The following FAM135B variants were observed in gnomAD, a reference collection of about 807,000 sequenced individuals.
FAM135B encodes protein FAM135B.
FAM135B carries 43 observed loss-of-function variants against 127.7 expected under a neutral mutation model. The ratio of observed to expected loss-of-function variants is 0.34; its 90% CI spans 0.26 to 0.43. FAM135B has a LOEUF of 0.43. Ranked by LOEUF, FAM135B falls within the 20% of genes least tolerant of loss-of-function variation. The pLI is 1.00. For missense variants in FAM135B, 1,558 were observed against 1,725.6 expected (o/e 0.90, Z 1.72); for synonymous variants, 670 against 665.1 (o/e 1.01, Z -0.11).
chr8:138,422,823 T>C (rs1834594823), intron 1 of FAM135B, among the ~76,000 whole-genome samples: 1 of 152,220 alleles, frequency 6.6e-6, no homozygotes, highest in Admixed American at 6.5e-5. Context: ...ATATGTTCAC[T>C]GCAGCACTTT....
chr8:138,281,520 C>T (rs1180978497), intron 3 of FAM135B, among the ~76,000 whole-genome samples: 1 of 151,918 alleles, frequency 6.6e-6, no homozygotes, highest in Non-Finnish European at 1.5e-5. Flanking sequence ...TCTAAAAGCT[C>T]GAGGAAATTT....
chr8:138,401,932 AG>A (rs1223722071), intron 1 of FAM135B, among the ~76,000 whole-genome samples: 1 of 152,172 alleles, frequency 6.6e-6, no homozygotes, highest in Non-Finnish European at 1.5e-5. Flanking sequence ...TGCTCTCCAC[AG>A]ATATTTATTC....
rs1356818278 is a variant in FAM135B at position 138,204,556 on chromosome 8, C to T, written c.670-6887G>A. Among the ~76,000 whole-genome samples the T allele has an allele frequency of 5.3e-5, 8 of 152,130 alleles. No individual in the cohort carries two copies. The East Asian group carries it at 5.8e-4, about 11-fold the overall frequency. On this transcript the variant is annotated intron_variant, in intron 7 of 19. Coordinates refer to ENST00000395297, the MANE Select transcript of FAM135B (RefSeq NM_015912.4). ...TCCTCTACAGGGCACTGCAATGGCA[C>T]GACAGTGTAGACTTGATGTATAGAG...
At chr8:138,348,981 T>C (rs115485038) in intron 2 of FAM135B, among the ~76,000 whole-genome samples, 4,795 of 152,320 alleles carry the variant, frequency 0.031, 148 homozygotes, top group East Asian at 0.16. Context: ...CAGGCCCCTC[T>C]GGCACCAGAC....
chr8:138,183,627 G>C (rs1815283950), intron 9 of FAM135B, among the ~76,000 whole-genome samples: 1 of 152,166 alleles, frequency 6.6e-6, no homozygotes, highest in Non-Finnish European at 1.5e-5. Context: ...CCTTCATTGA[G>C]AATTTATTTT....
intron 2 of FAM135B, among the ~76,000 whole-genome samples, chr8:138,315,664 A>G: frequency 1.1e-5 from 1 of 94,094 alleles, no homozygotes; most frequent in East Asian, 2.2e-4. Context: ...ATGGAATGTT[A>G]TTCAGCCTTT....
chr8:138,359,789 G>A (rs753984415), intron 2 of FAM135B, among the ~76,000 whole-genome samples: 4 of 152,172 alleles, frequency 2.6e-5, no homozygotes, highest in Admixed American at 6.5e-5. Context: ...GCTGGATGTC[G>A]CTGGGCATTA....
intron 1 of FAM135B, among the ~76,000 whole-genome samples, chr8:138,378,385 ATCTC>A (rs1342908923): frequency 6.6e-6 from 1 of 152,254 alleles, no homozygotes; most frequent in African/African-American, 2.4e-5. Flanking sequence ...CAAGAATTTA[ATCTC>A]TCTGTGCCTC....
chr8:138,177,429 T>C lies in FAM135B; in HGVS notation c.1030-9A>G, dbSNP rs759746332. The C allele has an allele frequency of 2.5e-6, 4 of 1,610,902 alleles. No homozygotes were observed. Among genetic ancestry groups the C allele is most frequent in the Non-Finnish European group, 3.4e-6 (4 of 1,178,124 alleles). On this transcript the variant is annotated splice_polypyrimidine_tract_variant and intron_variant, in intron 10 of 19. Transcript: ENST00000395297. ...TCAGAAAACCTTCGGACCTGCAGAA[T>C]AAAACAATGTAAACAGTTCAATTCT...
intron 1 of FAM135B, among the ~76,000 whole-genome samples, chr8:138,399,611 G>A (rs1554683964): frequency 1.3e-5 from 2 of 151,970 alleles, no homozygotes; most frequent in Non-Finnish European, 2.9e-5. Context: ...GTTCCCTTGG[G>A]AAAAAAGGCT....
At chr8:138,449,005 T>C (rs1479593559) in intron 1 of FAM135B, among the ~76,000 whole-genome samples, 1 of 152,184 alleles carries the variant, frequency 6.6e-6, no homozygotes, top group Admixed American at 6.5e-5. Context: ...TCTTCCATTG[T>C]ATTGCTGATA....
chr8:138,333,755 T>C (rs921284957), intron 2 of FAM135B, among the ~76,000 whole-genome samples: 1 of 152,212 alleles, frequency 6.6e-6, no homozygotes, highest in African/African-American at 2.4e-5. Context: ...TAATATCTGC[T>C]TAACCCAAGA....
intron 7 of FAM135B, among the ~76,000 whole-genome samples, chr8:138,231,938 G>A (rs1819935293): frequency 6.6e-6 from 1 of 152,202 alleles, no homozygotes; most frequent in South Asian, 2.1e-4. Flanking sequence ...AGGGTGGGGA[G>A]AAAGGGATTC....
intron 11 of FAM135B, among the ~76,000 whole-genome samples, chr8:138,174,773 AC>A (rs975712348): frequency 5.3e-5 from 8 of 152,110 alleles, no homozygotes; most frequent in Non-Finnish European, 1.0e-4. Flanking sequence ...TCTCCAGCAG[AC>A]CTTCTGTGAC....
At chr8:138,392,101 G>A (rs1438426755) in intron 1 of FAM135B, among the ~76,000 whole-genome samples, 2 of 152,200 alleles carry the variant, frequency 1.3e-5, no homozygotes, top group Non-Finnish European at 2.9e-5. Context: ...CACCTGGCAT[G>A]TTGAATGTCA....
intron 17 of FAM135B, among the ~76,000 whole-genome samples, chr8:138,139,327 C>T (rs781343438): frequency 1.3e-5 from 2 of 152,094 alleles, no homozygotes; most frequent in Admixed American, 6.5e-5. Context: ...CAACAGCCTT[C>T]GGAGTAAGAA....
At chr8:138,445,209 A>G (rs1836057767) in intron 1 of FAM135B, among the ~76,000 whole-genome samples, 1 of 152,208 alleles carries the variant, frequency 6.6e-6, no homozygotes, top group African/African-American at 2.4e-5. Flanking sequence ...TTCACAGCCA[A>G]ATTCTACCAG....
rs545570113 is a variant in FAM135B at position 138,330,547 on chromosome 8, C to T, written c.78-19627G>A. Among the ~76,000 whole-genome samples the T allele has an allele frequency of 1.6e-4, 24 of 152,242 alleles. No individual in the cohort carries two copies. In the South Asian group the frequency reaches 1.7e-3, roughly 11 times the overall value. On this transcript the variant is annotated intron_variant, in intron 2 of 19. Transcript: ENST00000395297. ...GCATGGAATCACTGCCCTGTGCTGC[C>T]GCCGAGTCCAGGAGGACACCTTATC...
intron 12 of FAM135B, among the ~76,000 whole-genome samples, chr8:138,155,629 A>T (rs190096295): frequency 1.6e-4 from 25 of 152,288 alleles, no homozygotes; most frequent in African/African-American, 6.0e-4. Flanking sequence ...AAACAAAAAA[A>T]AACAGGGGTT....
Sources: allele counts gnomAD v4.1 joint callset (sites outside exome capture counted in the v4.1 genomes callset), GRCh38; gene constraint gnomAD v4.1.1; transcripts MANE v1.5; gene names NCBI Gene and HGNC (gene_info 2026-07-23, HGNC 2026-07-21).